Variants in TMEM244 observed in about 807,000 individuals in gnomAD.
The protein encoded by TMEM244 is putative transmembrane protein 244.
TMEM244 carries 13 observed loss-of-function variants against 15.8 expected under a neutral mutation model. The observed-to-expected ratio is 0.82, with a 90% CI of 0.53 to 1.30. The LOEUF (loss-of-function observed/expected upper bound fraction) is 1.30. TMEM244 is among the 50% of genes most tolerant of loss of function. The pLI is 0.00. For missense variants in TMEM244, 161 were observed against 144.9 expected (o/e 1.11, Z -0.57); for synonymous variants, 45 against 48.7 (o/e 0.92, Z 0.32).
intron 2 of TMEM244, among the ~76,000 whole-genome samples, chr6:129,844,070 G>A (rs1316824495): frequency 7.3e-6 from 1 of 137,026 alleles, no homozygotes; most frequent in Non-Finnish European, 1.6e-5. Flanking sequence ...TCTCATCATG[G>A]ATATATTTTT....
chr6:129,831,578 C>T (rs1458225116), intron 4 of TMEM244, among the ~76,000 whole-genome samples, 192 bp from the exon 5 acceptor site: 1 of 152,178 alleles, frequency 6.6e-6, no homozygotes, highest in East Asian at 1.9e-4. Flanking sequence ...ACCTTTACAA[C>T]TCTTCTCCTA....
chr6:129,841,163 G>A (rs1776484302), intron 3 of TMEM244, among the ~76,000 whole-genome samples: 2 of 152,054 alleles, frequency 1.3e-5, no homozygotes, highest in Non-Finnish European at 1.5e-5. Flanking sequence ...GCAAAGACTT[G>A]GAACCAACCC....
chr6:129,853,704 T>C (rs1776666026), intron 1 of TMEM244, among the ~76,000 whole-genome samples: 1 of 152,092 alleles, frequency 6.6e-6, no homozygotes, highest in East Asian at 1.9e-4. Flanking sequence ...TATACCTGTG[T>C]AAAAAAGGAT....
chr6:129,841,837 A>T (rs1389978702), intron 3 of TMEM244, among the ~76,000 whole-genome samples: 8 of 152,142 alleles, frequency 5.3e-5, no homozygotes, highest in Non-Finnish European at 1.0e-4. Context: ...AAACCTACAC[A>T]AAACCTGACC....
intron 1 of TMEM244, among the ~76,000 whole-genome samples, chr6:129,847,495 T>G (rs891935061): frequency 6.6e-6 from 1 of 152,152 alleles, no homozygotes; most frequent in Non-Finnish European, 1.5e-5. Context: ...ATTGGCTGAA[T>G]GGACCAAATT....
At chr6:129,852,347 T>TA (rs1474961929) in intron 1 of TMEM244, among the ~76,000 whole-genome samples, 1 of 152,154 alleles carries the variant, frequency 6.6e-6, no homozygotes, top group Non-Finnish European at 1.5e-5. Flanking sequence ...AAGCTTTGCT[T>TA]AATACCTGTA....
chr6:129,836,777 A>G (rs1776414772), intron 3 of TMEM244, among the ~76,000 whole-genome samples: 1 of 152,214 alleles, frequency 6.6e-6, no homozygotes, highest in Admixed American at 6.5e-5. Context: ...TTTGTGATGC[A>G]TGCATAAGCT....
In TMEM244 at chr6:129,837,761, G is replaced by A. The variant is rs540626673; in HGVS notation, c.194-4176C>T. ...CAAGCAAATGGAAAGCAAAAAAAGCGGGTTACAATCTTAGTCTCTGATACA... is the reference window on the plus strand; with the variant it reads ...CAAGCAAATGGAAAGCAAAAAAAGCAGGTTACAATCTTAGTCTCTGATACA... On this transcript the variant is annotated intron_variant, in intron 3 of 4. Coordinates refer to ENST00000368143, the MANE Select transcript of TMEM244 (RefSeq NM_001010876.2). Among the ~76,000 whole-genome samples, 10 of 151,380 alleles carry A rather than the reference G, an allele frequency of 6.6e-5. No homozygotes were observed. The South Asian group carries it at 8.3e-4, about 13-fold the overall frequency.
chr6:129,852,932 C>T (rs1054958911), intron 1 of TMEM244, among the ~76,000 whole-genome samples: 1 of 152,122 alleles, frequency 6.6e-6, no homozygotes, highest in Non-Finnish European at 1.5e-5. Context: ...TCAGGTAGAT[C>T]CCTGCAGAGG....
At chr6:129,858,091 A>T (rs2114648449) in intron 1 of TMEM244, among the ~76,000 whole-genome samples, 1 of 152,068 alleles carries the variant, frequency 6.6e-6, no homozygotes, top group East Asian at 1.9e-4. Flanking sequence ...CTTGGTCATG[A>T]TGTTTTATTT....
intron 1 of TMEM244, among the ~76,000 whole-genome samples, chr6:129,851,459 G>A (rs574646155): frequency 2.6e-4 from 39 of 152,110 alleles, no homozygotes; most frequent in African/African-American, 7.0e-4. Flanking sequence ...TAGTAGAGAC[G>A]GGGTTTCACC....
rs371099124 is a variant in TMEM244 at position 129,843,897 on chromosome 6, G to T, written c.120-294C>A. 2.4e-4 allele frequency among the ~76,000 whole-genome samples: 36 copies of T among 152,258 alleles called. No homozygotes were observed. In the East Asian group the frequency reaches 4.8e-3, roughly 20 times the overall value. On this transcript the variant is annotated intron_variant, in intron 2 of 4. Transcript: ENST00000368143. ...AGGTGAGACGGTATAAAGGTAACAA[G>T]GGACAAGGCAACGTCTAGTTACGAA...
intron 1 of TMEM244, 150 bp from the exon 2 acceptor site, chr6:129,846,002 A>G (rs1776555994): frequency 1.7e-6 from 1 of 574,570 alleles, no homozygotes; most frequent in Non-Finnish European, 3.1e-6. Flanking sequence ...ATGACTTCAA[A>G]GTGCCCATCT....
chr6:129,861,057 A>C, intron 1 of TMEM244, 99 bp downstream of exon 1: 1 of 1,314,210 alleles, frequency 7.6e-7, no homozygotes, highest in Non-Finnish European at 1.1e-6. Context: ...AAGTGAAACA[A>C]GTTGCCCACT....
chr6:129,839,224 T>C (rs76478082), intron 3 of TMEM244, among the ~76,000 whole-genome samples: 69 of 152,202 alleles, frequency 4.5e-4, no homozygotes, highest in African/African-American at 1.6e-3. Flanking sequence ...AAAAAGTTTA[T>C]CCACCATGAA....
chr6:129,857,339 CACAT>C (rs1198354382), intron 1 of TMEM244, among the ~76,000 whole-genome samples: 2 of 151,530 alleles, frequency 1.3e-5, no homozygotes, highest in African/African-American at 4.8e-5. Flanking sequence ...CACACACACA[CACAT>C]ATATATATAC....
intron 3 of TMEM244, among the ~76,000 whole-genome samples, chr6:129,838,369 G>T (rs1776438022): frequency 6.6e-6 from 1 of 152,166 alleles, no homozygotes; most frequent in South Asian, 2.1e-4. Flanking sequence ...CAGAAATAAA[G>T]ATGTTCTTTG....
chr6:129,846,305 A>G (rs1357639986), intron 1 of TMEM244, among the ~76,000 whole-genome samples: 3 of 152,230 alleles, frequency 2.0e-5, no homozygotes, highest in Admixed American at 6.5e-5. Flanking sequence ...TTTTCCTTGT[A>G]TAATCCAAAC....
intron 3 of TMEM244, among the ~76,000 whole-genome samples, chr6:129,839,528 A>T (rs1305360794): frequency 6.6e-6 from 1 of 152,226 alleles, no homozygotes; most frequent in Non-Finnish European, 1.5e-5. Flanking sequence ...CAAGAAAAGG[A>T]TGCCCTCTCT....
Sources: allele counts gnomAD v4.1 joint callset (sites outside exome capture counted in the v4.1 genomes callset), GRCh38; gene constraint gnomAD v4.1.1; transcripts MANE v1.5; gene names NCBI Gene and HGNC (gene_info 2026-07-23, HGNC 2026-07-21).